GFOD1: variants seen among roughly 807,000 people sequenced by gnomAD.
GFOD1 encodes the protein glucose-fructose oxidoreductase domain-containing protein 1.
GFOD1 carries 9 observed loss-of-function variants against 25.4 expected under a neutral mutation model. That is an observed-to-expected ratio of 0.35 (90% CI 0.21 to 0.62). The LOEUF (loss-of-function observed/expected upper bound fraction) is 0.62, where lower values mean the gene tolerates loss of function less well. GFOD1 is among the 20% of genes least tolerant of loss of function. The probability of loss-of-function intolerance (pLI) is 0.72; values close to 1 mark genes in which losing one functional copy is unlikely to be tolerated. For missense variants in GFOD1, 403 were observed against 556.9 expected (o/e 0.72, Z 2.78); for synonymous variants, 253 against 245.6 (o/e 1.03, Z -0.28).
intron 1 of GFOD1, among the ~76,000 whole-genome samples, chr6:13,458,452 C>T (rs1021523344): frequency 6.6e-6 from 1 of 151,914 alleles, no homozygotes; most frequent in Non-Finnish European, 1.5e-5. Flanking sequence ...ATTTCCAAAC[C>T]CCTTTGAAAT....
rs142474128 is a variant in GFOD1 at position 13,382,632 on chromosome 6, T to C, written c.254-16970A>G. On this transcript the variant is annotated intron_variant, in intron 1 of 1. Transcript: ENST00000379287. ...TACAAGTTGGAATTGTGGATTTTCA[T>C]GTAACCATTTAACCCCACAGACTTT... Among the ~76,000 whole-genome samples the C allele has an allele frequency of 2.1e-3, 313 of 152,328 alleles. 1 individual carries two copies. The highest frequency in any genetic ancestry group is 7.1e-3 in the African/African-American group (297 of 41,576).
chr6:13,416,170 C>G (rs1318385195), intron 1 of GFOD1, among the ~76,000 whole-genome samples: 1 of 152,188 alleles, frequency 6.6e-6, no homozygotes, highest in Non-Finnish European at 1.5e-5. Context: ...GAAGAAGGTC[C>G]TTGCTTCCCC....
chr6:13,390,723 A>G (rs868167463), intron 1 of GFOD1, among the ~76,000 whole-genome samples: 13 of 75,010 alleles, frequency 1.7e-4, no homozygotes, highest in Non-Finnish European at 4.0e-4. Flanking sequence ...GACCCTGTGA[A>G]AAAAAAAAAA....
intron 1 of GFOD1, among the ~76,000 whole-genome samples, chr6:13,465,506 A>G (rs1240606346): frequency 6.6e-6 from 1 of 152,220 alleles, no homozygotes; most frequent in Non-Finnish European, 1.5e-5. Flanking sequence ...TCACACGCAC[A>G]TTAAAATTTA....
At chr6:13,467,347 T>C (rs546749346) in intron 1 of GFOD1, among the ~76,000 whole-genome samples, 21 of 152,234 alleles carry the variant, frequency 1.4e-4, no homozygotes, top group African/African-American at 5.1e-4. Context: ...CAGGGTGAAG[T>C]CACTTGCCCA....
At chr6:13,391,408 G>A (rs1785606241) in intron 1 of GFOD1, among the ~76,000 whole-genome samples, 1 of 149,078 alleles carries the variant, frequency 6.7e-6, no homozygotes, top group Non-Finnish European at 1.5e-5. Context: ...TGAGGCAGGA[G>A]AATCGCTTGA....
intron 1 of GFOD1, among the ~76,000 whole-genome samples, chr6:13,399,171 G>A (rs1218223964): frequency 1.3e-5 from 2 of 152,012 alleles, no homozygotes; most frequent in African/African-American, 4.8e-5. Flanking sequence ...ATTAATTTTG[G>A]TGGTGGGGGA....
At chr6:13,428,917 A>G (rs2127569818) in intron 1 of GFOD1, among the ~76,000 whole-genome samples, 1 of 152,320 alleles carries the variant, frequency 6.6e-6, no homozygotes, top group South Asian at 2.1e-4. Context: ...TCTCTGACCT[A>G]GTTAAAAGCA....
At chr6:13,457,832 G>A (rs771706628) in intron 1 of GFOD1, among the ~76,000 whole-genome samples, 3 of 152,274 alleles carry the variant, frequency 2.0e-5, no homozygotes, top group East Asian at 1.9e-4. Flanking sequence ...TTCATCATTC[G>A]CTTGACCCGT....
intron 1 of GFOD1, among the ~76,000 whole-genome samples, chr6:13,424,438 C>G (rs1786316253): frequency 6.6e-6 from 1 of 152,188 alleles, no homozygotes; most frequent in South Asian, 2.1e-4. Context: ...AAGGGGTTCC[C>G]TCTCAAACTT....
intron 1 of GFOD1, among the ~76,000 whole-genome samples, chr6:13,464,136 C>T (rs1028541986): frequency 2.0e-5 from 3 of 152,182 alleles, no homozygotes; most frequent in Non-Finnish European, 2.9e-5. Flanking sequence ...ACTCAGATCA[C>T]GAGAGAGTGA....
At chr6:13,411,937 T>A (rs1786084782) in intron 1 of GFOD1, among the ~76,000 whole-genome samples, 2 of 152,242 alleles carry the variant, frequency 1.3e-5, no homozygotes, top group Non-Finnish European at 2.9e-5. Context: ...TTTTAGCTGT[T>A]GCGGTCAAAT....
intron 1 of GFOD1, among the ~76,000 whole-genome samples, chr6:13,471,478 A>T (rs1270153269): frequency 6.6e-6 from 1 of 152,220 alleles, no homozygotes; most frequent in Non-Finnish European, 1.5e-5. Context: ...CGGGTGGAGC[A>T]GGGAGGGGCA....
At position 13,365,279 on chromosome 6, in the gene GFOD1, G is replaced by T. The variant is rs764758991; in HGVS notation, c.637C>A (p.Arg213=). Residue 213 remains arginine (R), a synonymous_variant, in exon 2 of 2, where the codon CGA becomes AGA. Coordinates refer to ENST00000379287, the MANE Select transcript of GFOD1 (RefSeq NM_018988.4). This position sits in a 1 kb window ranked among gnomAD's most constrained non-coding sequence, Gnocchi z 9.2. Reference sequence around the variant, plus strand: ...CAGAAGTCATCGCTGGTGATCTGTCGGATGCCCTTGATGTGGTCAGTCTGC... The same window carrying T: ...CAGAAGTCATCGCTGGTGATCTGTCTGATGCCCTTGATGTGGTCAGTCTGC... ...VKQTDHIKGI[R]QITSDDFCTF... 1 of 1,614,202 alleles carries T rather than the reference G, an allele frequency of 6.2e-7. No individual in the cohort carries two copies. Among genetic ancestry groups the T allele is most frequent in the South Asian group, 1.1e-5 (1 of 91,090 alleles).
At chr6:13,438,308 G>A (rs1461890022) in intron 1 of GFOD1, among the ~76,000 whole-genome samples, 1 of 152,156 alleles carries the variant, frequency 6.6e-6, no homozygotes, top group Non-Finnish European at 1.5e-5. Flanking sequence ...TGAAGAGAAA[G>A]GGAAGTTCAT....
intron 1 of GFOD1, among the ~76,000 whole-genome samples, chr6:13,375,970 G>A (rs1012350917): frequency 1.3e-5 from 2 of 152,174 alleles, no homozygotes; most frequent in African/African-American, 2.4e-5. Flanking sequence ...TATGATATTG[G>A]GGAGTCACTA....
chr6:13,464,159 G>C (rs1758340668), intron 1 of GFOD1, among the ~76,000 whole-genome samples: 1 of 152,176 alleles, frequency 6.6e-6, no homozygotes, highest in Admixed American at 6.5e-5. Flanking sequence ...CAAAGTGTCT[G>C]CTCCACAGTG....
intron 1 of GFOD1, among the ~76,000 whole-genome samples, chr6:13,452,002 G>A (rs13193595): frequency 0.11 from 16,646 of 152,180 alleles, 1,238 homozygotes; most frequent in East Asian, 0.22. Flanking sequence ...AGGTTTGGCG[G>A]GTAGTAGCTG....
At chr6:13,413,643 C>T (rs1562211334) in intron 1 of GFOD1, among the ~76,000 whole-genome samples, 1 of 152,194 alleles carries the variant, frequency 6.6e-6, no homozygotes, top group Non-Finnish European at 1.5e-5. Flanking sequence ...GGAAAAAAAG[C>T]ACCACTCTGA....
Sources: gnomAD v4.1 joint callset for allele counts (sites outside exome capture counted in the v4.1 genomes callset) on GRCh38, gnomAD v4.1.1 for gene constraint, Gnocchi (gnomAD v3.1) non-coding constraint, MANE v1.5 for transcripts, NCBI Gene and HGNC (gene_info 2026-07-23, HGNC 2026-07-21) for gene names.